RTN1: variants seen among roughly 807,000 people sequenced by gnomAD.
RTN1 encodes the protein reticulon-1.
A neutral mutation model predicts 65.5 loss-of-function variants in RTN1; 25 were observed. The ratio of observed to expected loss-of-function variants is 0.38; its 90% CI spans 0.28 to 0.53. RTN1 has a LOEUF of 0.53. RTN1 is among the 20% of genes least tolerant of loss of function. The pLI is 0.79. For synonymous variants in RTN1, 471 were observed against 447.6 expected (o/e 1.05, Z -0.66); for missense variants, 983 against 1,025.4 (o/e 0.96, Z 0.57).
At chr14:59,615,289 A>C (rs899830243) in intron 3 of RTN1, among the ~76,000 whole-genome samples, 2 of 152,140 alleles carry the variant, frequency 1.3e-5, no homozygotes, top group African/African-American at 4.8e-5. Flanking sequence ...GTCTCTACTA[A>C]AAATGCAAAA....
chr14:59,865,020 A>C (rs1043836481), intron 1 of RTN1, among the ~76,000 whole-genome samples: 2 of 152,172 alleles, frequency 1.3e-5, no homozygotes, highest in South Asian at 2.1e-4. Flanking sequence ...AGCGTTTTGC[A>C]GAGTTCCTAG....
At chr14:59,818,938 G>A (rs1886871919) in intron 1 of RTN1, among the ~76,000 whole-genome samples, 1 of 152,234 alleles carries the variant, frequency 6.6e-6, no homozygotes, top group Admixed American at 6.5e-5. Context: ...GACCTTCGCG[G>A]TGAGTGTTAA....
intron 2 of RTN1, among the ~76,000 whole-genome samples, chr14:59,734,354 A>G (rs8013741): frequency 0.012 from 1,788 of 152,344 alleles, 33 homozygotes; most frequent in African/African-American, 0.04. Context: ...GAACCTTCCC[A>G]GCAAGGGCTC....
intron 3 of RTN1, among the ~76,000 whole-genome samples, chr14:59,678,239 C>T (rs187134789): frequency 2.3e-3 from 357 of 152,190 alleles, no homozygotes; most frequent in Non-Finnish European, 3.8e-3. Flanking sequence ...GAAAAGGGGT[C>T]TTTTCTCCAA....
intron 3 of RTN1, among the ~76,000 whole-genome samples, chr14:59,643,334 C>T (rs915598368): frequency 5.9e-5 from 9 of 152,198 alleles, no homozygotes; most frequent in African/African-American, 2.2e-4. Flanking sequence ...ACTCTCCTGC[C>T]TCAGCCTCCT....
chr14:59,831,579 A>G (rs1887125070), intron 1 of RTN1, among the ~76,000 whole-genome samples: 1 of 152,118 alleles, frequency 6.6e-6, no homozygotes. Context: ...CCTTATAATA[A>G]ATCAATCTTT....
At chr14:59,793,692 C>A (rs1447540552) in intron 1 of RTN1, among the ~76,000 whole-genome samples, 2 of 150,528 alleles carry the variant, frequency 1.3e-5, no homozygotes, top group African/African-American at 4.9e-5. Context: ...GAACAAAAAG[C>A]TACCCAGATA....
intron 1 of RTN1, among the ~76,000 whole-genome samples, chr14:59,865,435 T>A (rs1887782077): frequency 6.6e-6 from 1 of 152,210 alleles, no homozygotes; most frequent in Non-Finnish European, 1.5e-5. Flanking sequence ...TTCTGTTTAC[T>A]TATCCTGGGA....
chr14:59,733,430 C>T (rs566694714), intron 2 of RTN1, among the ~76,000 whole-genome samples: 98 of 152,310 alleles, frequency 6.4e-4, no homozygotes, highest in Non-Finnish European at 1.2e-3. Context: ...TCCATTCTTC[C>T]GCACTAGGCG....
intron 1 of RTN1, among the ~76,000 whole-genome samples, chr14:59,791,600 C>T (rs1309543443): frequency 6.6e-6 from 1 of 152,178 alleles, no homozygotes; most frequent in Non-Finnish European, 1.5e-5. Flanking sequence ...TCCCACTCTC[C>T]TCCCAGCAGA....
At chr14:59,674,028 T>C (rs1177773075) in intron 3 of RTN1, among the ~76,000 whole-genome samples, 1 of 152,212 alleles carries the variant, frequency 6.6e-6, no homozygotes, top group Non-Finnish European at 1.5e-5. Flanking sequence ...AATAAAGATA[T>C]TGAGCAGTTT....
At chr14:59,659,182 A>AG (rs1307715988) in intron 3 of RTN1, among the ~76,000 whole-genome samples, 1 of 152,040 alleles carries the variant, frequency 6.6e-6, no homozygotes, top group East Asian at 1.9e-4. Flanking sequence ...ACAAGATTAG[A>AG]GAAAAAAAAA....
chr14:59,695,053 A>G (rs964295331), intron 3 of RTN1, among the ~76,000 whole-genome samples: 2 of 152,190 alleles, frequency 1.3e-5, no homozygotes, highest in African/African-American at 2.4e-5. Flanking sequence ...ACAGAAAAAC[A>G]GCAATACCAG....
intron 3 of RTN1, among the ~76,000 whole-genome samples, chr14:59,654,630 A>G (rs899935021): frequency 2.6e-5 from 4 of 152,142 alleles, no homozygotes; most frequent in African/African-American, 9.7e-5. Context: ...ATACATCATG[A>G]TTAGGTGGGA....
chr14:59,673,060 A>T (rs1033559462), intron 3 of RTN1, among the ~76,000 whole-genome samples: 6 of 152,156 alleles, frequency 3.9e-5, no homozygotes, highest in African/African-American at 1.4e-4. Context: ...TTCATTTTTT[A>T]AATGAAAACT....
At chr14:59,709,392 T>C (rs920029577) in intron 3 of RTN1, among the ~76,000 whole-genome samples, 4 of 152,204 alleles carry the variant, frequency 2.6e-5, no homozygotes, top group Admixed American at 6.5e-5. Flanking sequence ...AGATGAGAGT[T>C]AGGTATTTGA....
intron 4 of RTN1, chr14:59,605,787 G>C (rs1044129585): frequency 3.4e-6 from 1 of 291,412 alleles, no homozygotes; most frequent in Non-Finnish European, 6.3e-6. Flanking sequence ...AAACCAGCTG[G>C]GACCAGAGAA....
chr14:59,723,610 C>T (rs908450047), intron 3 of RTN1, among the ~76,000 whole-genome samples: 17 of 151,720 alleles, frequency 1.1e-4, no homozygotes, highest in African/African-American at 3.6e-4. Flanking sequence ...AGCGAGACTC[C>T]GTCTCAAAAT....
chr14:59,681,143 C>A (rs1477559143), intron 3 of RTN1, among the ~76,000 whole-genome samples: 1 of 152,034 alleles, frequency 6.6e-6, no homozygotes, highest in African/African-American at 2.4e-5. Context: ...GCTCATAAAA[C>A]TACAAATCTA....
Sources: allele counts gnomAD v4.1 joint callset (sites outside exome capture counted in the v4.1 genomes callset), GRCh38; gene constraint gnomAD v4.1.1; transcripts MANE v1.5; gene names NCBI Gene and HGNC (gene_info 2026-07-23, HGNC 2026-07-21).